Variants in FBLN2 observed in about 807,000 individuals in gnomAD.
FBLN2 encodes the protein fibulin-2.
A neutral mutation model predicts 123.7 loss-of-function variants in FBLN2; 81 were observed. The ratio of observed to expected loss-of-function variants is 0.65; its 90% CI spans 0.55 to 0.79. FBLN2 has a LOEUF of 0.79. Among genes scored for constraint, FBLN2 ranks in the 30% least tolerant of loss-of-function variants. FBLN2 has a pLI of 0.00. For synonymous variants in FBLN2, 699 were observed against 701.4 expected, an observed-to-expected ratio of 1.00 and a Z score of 0.05; for missense variants, 1,603 against 1,681.3, an observed-to-expected ratio of 0.95 and a Z score of 0.81.
intron 2 of FBLN2, among the ~76,000 whole-genome samples, chr3:13,596,639 G>A (rs894041198): frequency 1.1e-4 from 16 of 152,144 alleles, no homozygotes; most frequent in African/African-American, 3.4e-4. Context: ...TTGTGCAGCT[G>A]TCACCACCAT....
At chr3:13,632,783 C>T (rs966124603) in intron 16 of FBLN2, among the ~76,000 whole-genome samples, 4 of 152,016 alleles carry the variant, frequency 2.6e-5, no homozygotes, top group South Asian at 2.1e-4. Context: ...GAGGCCTGCT[C>T]GGCCCACAGA....
In FBLN2 at chr3:13,627,989, C is replaced by G; in HGVS notation, c.2569+20C>G. The G allele has an allele frequency of 4.3e-6, 7 of 1,610,332 alleles. No individual in the cohort carries two copies. The highest frequency in any genetic ancestry group is 5.9e-6 in the Non-Finnish European group (7 of 1,177,792). On this transcript the variant is annotated intron_variant, in intron 11 of 17. Coordinates refer to ENST00000404922, the MANE Select transcript of FBLN2 (RefSeq NM_001004019.2). ...GTGTGGGTGAGCGGGGGCTGCAGGG[C>G]TGGGGATCATCAGCCTAGGGCTCTA...
In FBLN2 at chr3:13,629,308, GC is replaced by G. The variant is rs1337375152; in HGVS notation, c.2842+18del. 3.1e-6 allele frequency: 5 copies of G among 1,598,334 alleles called. No individual in the cohort carries two copies. The South Asian group carries it at 5.6e-5, about 18-fold the overall frequency. ...GGCTGCATCGGTAGGTAGGCTGGTG[GC>G]CAGGACCCCTGGGGAACACCTGGCT... On this transcript the variant is annotated intron_variant, in intron 13 of 17. Transcript: ENST00000404922.
intron 1 of FBLN2, chr3:13,568,677 C>T: frequency 1.3e-6 from 1 of 751,542 alleles, no homozygotes; most frequent in Non-Finnish European, 1.6e-6. Flanking sequence ...CAGAGAAGCC[C>T]TCCTCTTCCG....
intron 8 of FBLN2, among the ~76,000 whole-genome samples, chr3:13,620,933 C>T (rs1559423411): frequency 6.6e-6 from 1 of 152,220 alleles, no homozygotes; most frequent in Non-Finnish European, 1.5e-5. Context: ...CCTTCCTCTC[C>T]GATGCTGGGG....
intron 4 of FBLN2, among the ~76,000 whole-genome samples, chr3:13,613,698 T>C (rs913420315): frequency 6.6e-6 from 1 of 152,168 alleles, no homozygotes; most frequent in South Asian, 2.1e-4. Context: ...TGAATAGAAT[T>C]GGGGTTTGCT....
intron 2 of FBLN2, among the ~76,000 whole-genome samples, chr3:13,588,327 A>G (rs774599804): frequency 6.6e-6 from 1 of 152,182 alleles, no homozygotes; most frequent in African/African-American, 2.4e-5. Context: ...GGACACTCTT[A>G]TGTCCTCACA....
At chr3:13,581,949 G>A (rs1704345958) in intron 2 of FBLN2, among the ~76,000 whole-genome samples, 1 of 152,110 alleles carries the variant, frequency 6.6e-6, no homozygotes, top group South Asian at 2.1e-4. Context: ...GGCTCCCCAG[G>A]TTAGAGGCTG....
At chr3:13,586,105 G>A (rs1441791613) in intron 2 of FBLN2, among the ~76,000 whole-genome samples, 2 of 152,192 alleles carry the variant, frequency 1.3e-5, no homozygotes, top group Admixed American at 6.5e-5. Flanking sequence ...AAGATGTGGA[G>A]GTGGAAGGCG....
intron 1 of FBLN2, among the ~76,000 whole-genome samples, chr3:13,552,872 G>A (rs558885667): frequency 6.6e-6 from 1 of 152,198 alleles, no homozygotes; most frequent in Non-Finnish European, 1.5e-5. Context: ...GGCCAATGCT[G>A]TGCCAGGGGC....
At chr3:13,574,770 C>T (rs1704079354) in intron 2 of FBLN2, among the ~76,000 whole-genome samples, 1 of 152,156 alleles carries the variant, frequency 6.6e-6, no homozygotes, top group African/African-American at 2.4e-5. Flanking sequence ...CATCTAGATC[C>T]CCCAAGGCCT....
chr3:13,600,119 C>T lies in FBLN2; in HGVS notation c.1307-7943C>T, dbSNP rs1704981679. Among the ~76,000 whole-genome samples the T allele has an allele frequency of 1.4e-5, 2 of 147,878 alleles. 1 individual carries two copies. Among genetic ancestry groups the T allele is most frequent in the Non-Finnish European group, 3.0e-5 (2 of 67,334 alleles). ...GCTGGGGACCTGTGAGAGGTGGTCT[C>T]AGAAGGAGACCTAGAGGAGAGGAGG... On this transcript the variant is annotated intron_variant, in intron 2 of 17. Coordinates refer to ENST00000404922, the MANE Select transcript of FBLN2 (RefSeq NM_001004019.2).
intron 1 of FBLN2, chr3:13,568,973 G>A (rs926049143): frequency 7.4e-5 from 73 of 985,524 alleles, no homozygotes; most frequent in Non-Finnish European, 7.8e-5. Flanking sequence ...GTGGTAACGA[G>A]TCCTGCTGTC....
At chr3:13,597,992 G>A (rs752157305) in intron 2 of FBLN2, among the ~76,000 whole-genome samples, 6 of 152,360 alleles carry the variant, frequency 3.9e-5, no homozygotes, top group Non-Finnish European at 5.9e-5. Context: ...GCTGAGAACC[G>A]GCAGGTGGGG....
At chr3:13,624,400 G>A (rs750925300) in intron 9 of FBLN2, among the ~76,000 whole-genome samples, 15 of 152,178 alleles carry the variant, frequency 9.9e-5, no homozygotes, top group Admixed American at 2.6e-4. Flanking sequence ...TGGGGTCCTG[G>A]GAATGGTCTC....
intron 2 of FBLN2, among the ~76,000 whole-genome samples, chr3:13,572,817 T>G (rs1232975981): frequency 6.6e-6 from 1 of 152,230 alleles, no homozygotes; most frequent in Non-Finnish European, 1.5e-5. Flanking sequence ...GCTGACCCCT[T>G]CCTGCTTACT....
intron 9 of FBLN2, 34 bp downstream of exon 9, chr3:13,621,949 C>T (rs1366448457): frequency 1.2e-6 from 2 of 1,602,098 alleles, no homozygotes; most frequent in Non-Finnish European, 1.7e-6. Context: ...CCCGCCGTCA[C>T]AGCTCTCCGC....
Position 13,621,764 on chromosome 3 carries a change from G to A in FBLN2, c.2156-11G>A, listed in dbSNP as rs1705859027. ...CAGTCCTTCTGTTTTTCCTCCTGCG[G>A]CTGCCACTAGACCAAGACGAGTGCC... On this transcript the variant is annotated splice_polypyrimidine_tract_variant and intron_variant, in intron 8 of 17. Transcript: ENST00000404922. 1 of 1,613,510 alleles carries A rather than the reference G, an allele frequency of 6.2e-7. No homozygotes were observed. Among genetic ancestry groups the A allele is most frequent in the African/African-American group, 1.3e-5 (1 of 74,910 alleles).
At chr3:13,604,859 A>G (rs1436061805) in intron 2 of FBLN2, among the ~76,000 whole-genome samples, 1 of 152,232 alleles carries the variant, frequency 6.6e-6, no homozygotes, top group East Asian at 1.9e-4. Flanking sequence ...CGTGCCTGCT[A>G]AGGCAACGCA....
Sources: allele counts gnomAD v4.1 joint callset (sites outside exome capture counted in the v4.1 genomes callset), GRCh38; gene constraint gnomAD v4.1.1; transcripts MANE v1.5; gene names NCBI Gene and HGNC (gene_info 2026-07-23, HGNC 2026-07-21).